The following CSRNP3 variants were observed in gnomAD, a reference collection of about 807,000 sequenced individuals.
CSRNP3 encodes cysteine and serine rich nuclear protein 3.
In CSRNP3, 12 loss-of-function variants were observed where a neutral mutation model predicts 48.0. The ratio of observed to expected loss-of-function variants is 0.25; its 90% confidence interval spans 0.16 to 0.41. CSRNP3 has a LOEUF of 0.41. Ranked by LOEUF, CSRNP3 falls within the 10% of genes least tolerant of loss-of-function variation. The pLI is 1.00. For missense variants in CSRNP3, 580 were observed against 724.4 expected (o/e 0.80, Z 2.29); for synonymous variants, 263 against 269.7 (o/e 0.98, Z 0.24).
At chr2:165,550,738 G>A (rs1449900512) in intron 3 of CSRNP3, among the ~76,000 whole-genome samples, 1 of 152,092 alleles carries the variant, frequency 6.6e-6, no homozygotes, top group Non-Finnish European at 1.5e-5. Context: ...CCTGAATCTT[G>A]TCCATTCCTT....
intron 3 of CSRNP3, among the ~76,000 whole-genome samples, chr2:165,529,267 G>A (rs985402268): frequency 1.3e-5 from 2 of 152,160 alleles, no homozygotes; most frequent in Admixed American, 1.3e-4. Context: ...ATGTGGTTTG[G>A]CTGTGTCTCC....
At chr2:165,587,006 A>G (rs911423292) in intron 3 of CSRNP3, among the ~76,000 whole-genome samples, 3 of 152,202 alleles carry the variant, frequency 2.0e-5, no homozygotes, top group African/African-American at 4.8e-5. Context: ...AAATGAAACA[A>G]TTGTACTTAT....
chr2:165,546,961 A>C (rs1685038591), intron 3 of CSRNP3, among the ~76,000 whole-genome samples: 2 of 152,214 alleles, frequency 1.3e-5, no homozygotes, highest in South Asian at 4.1e-4. Flanking sequence ...TAAGCATTGT[A>C]AAAATATTTT....
Position 165,689,376 on chromosome 2 carries a change from T to A in CSRNP3, c.*9623T>A, listed in dbSNP as rs1321217433. The A allele has an allele frequency of 6.6e-6, 1 of 152,204 alleles. No homozygotes were observed. The highest frequency in any genetic ancestry group is 1.9e-4 in the East Asian group (1 of 5,192). 9.4% of individuals were successfully genotyped at this position (152,204 alleles called of 1,614,324 possible). A position where few individuals can be genotyped will look rare whatever the true frequency, so the allele number is the denominator to read the frequency against. On this transcript the variant is annotated 3_prime_UTR_variant, in exon 7 of 7. Transcript: ENST00000651982. ...TTGTACAATATCTTGTCCATTTGTT[T>A]GCAGCAGAGTAAAACCGGTTTCTAA...
intron 3 of CSRNP3, among the ~76,000 whole-genome samples, chr2:165,568,226 A>G (rs1328952364): frequency 6.6e-6 from 1 of 151,942 alleles, no homozygotes; most frequent in Admixed American, 6.6e-5. Flanking sequence ...CTCAACTGCC[A>G]AAATTGTCTT....
intron 3 of CSRNP3, among the ~76,000 whole-genome samples, chr2:165,557,192 A>C (rs533460073): frequency 1.1e-4 from 16 of 152,352 alleles, no homozygotes; most frequent in East Asian, 5.8e-4. Flanking sequence ...TGACACATTA[A>C]AATTTTATTA....
chr2:165,494,234 G>T (rs1029010668), intron 1 of CSRNP3, among the ~76,000 whole-genome samples: 3 of 152,040 alleles, frequency 2.0e-5, no homozygotes, highest in African/African-American at 7.2e-5. Flanking sequence ...TCTAAATTCT[G>T]CAGGTATCGC....
chr2:165,566,720 A>G (rs1056320408), intron 3 of CSRNP3: 24 of 151,910 alleles, frequency 1.6e-4, no homozygotes, highest in African/African-American at 5.3e-4. Flanking sequence ...ATATTCTTCA[A>G]TTATAGAACC....
chr2:165,573,337 A>G (rs1473268335), intron 3 of CSRNP3, among the ~76,000 whole-genome samples: 2 of 152,160 alleles, frequency 1.3e-5, no homozygotes, highest in Admixed American at 6.5e-5. Flanking sequence ...TACCATTTAG[A>G]AAGATTATGT....
At chr2:165,474,794 C>T (rs1469119689) in intron 1 of CSRNP3, among the ~76,000 whole-genome samples, 1 of 152,172 alleles carries the variant, frequency 6.6e-6, no homozygotes, top group Admixed American at 6.6e-5. Flanking sequence ...CATAACAACA[C>T]AGGGATTTTA....
chr2:165,662,681 C>T (rs752403393), intron 5 of CSRNP3, among the ~76,000 whole-genome samples: 10 of 152,156 alleles, frequency 6.6e-5, no homozygotes, highest in Non-Finnish European at 1.2e-4. Context: ...ATTGGTGTTC[C>T]AATTGCCTCT....
Position 165,679,385 on chromosome 2 carries a change from A to C in CSRNP3, c.1390A>C (p.Thr464Pro), listed in dbSNP as rs1018504541. 2 of 1,613,544 alleles carry C rather than the reference A, an allele frequency of 1.2e-6. No individual in the cohort carries two copies. The highest frequency in any genetic ancestry group is 1.7e-6 in the Non-Finnish European group (2 of 1,179,888). ...YSERDTVKNG[T>P]LSLVPYTMTP... The stretch of plus-strand genomic sequence containing the variant: ...TGAAAGAGACACTGTCAAAAATGGT[A>C]CCCTTTCGCTGGTGCCTTACACCAT... Residue 464 changes from threonine (T) to proline (P), a missense_variant, in exon 7 of 7, where the codon ACC becomes CCC. By Grantham distance (38) the Thr-to-Pro change is conservative (BLOSUM62 -1). Around this residue, in one of 4 missense-constraint regions of CSRNP3, gnomAD observed 369 missense variants for 380.8 expected, o/e 0.97. Transcript: ENST00000651982.
rs535291493 is a variant in CSRNP3, at chr2:165,585,571, C to T, written c.-23-9472C>T. 7.2e-5 allele frequency among the ~76,000 whole-genome samples: 11 copies of T among 152,298 alleles called. No homozygotes were observed. In the South Asian group the frequency reaches 2.1e-3, roughly 29 times the overall value. On this transcript the variant is annotated intron_variant, in intron 3 of 6. Transcript: ENST00000651982. The stretch of plus-strand genomic sequence containing the variant: ...ACACTGGTGTTTCTTGGGCCCTCAG[C>T]CCATTGCTGATTGAAGCAAGCACCC...
At chr2:165,631,805 T>A (rs1235433917) in intron 4 of CSRNP3, among the ~76,000 whole-genome samples, 1 of 152,226 alleles carries the variant, frequency 6.6e-6, no homozygotes, top group Non-Finnish European at 1.5e-5. Flanking sequence ...AAACAACTAC[T>A]CTCACTCATC....
At chr2:165,603,756 T>A (rs1457383437) in intron 4 of CSRNP3, among the ~76,000 whole-genome samples, 1 of 152,206 alleles carries the variant, frequency 6.6e-6, no homozygotes, top group Non-Finnish European at 1.5e-5. Context: ...ATGACAAAAC[T>A]GTGTTTTCAA....
intron 1 of CSRNP3, among the ~76,000 whole-genome samples, chr2:165,480,060 A>T (rs1338691255): frequency 6.6e-6 from 1 of 151,932 alleles, no homozygotes; most frequent in Non-Finnish European, 1.5e-5. Flanking sequence ...GATAGAACTG[A>T]TGTTTCTGTT....
At chr2:165,482,186 T>C (rs533651239) in intron 1 of CSRNP3, among the ~76,000 whole-genome samples, 1 of 152,148 alleles carries the variant, frequency 6.6e-6, no homozygotes, top group Admixed American at 6.5e-5. Flanking sequence ...AGAGATCCTA[T>C]TCAGGATTCA....
intron 4 of CSRNP3, among the ~76,000 whole-genome samples, chr2:165,625,585 G>A (rs1356366392): frequency 6.6e-6 from 1 of 151,608 alleles, no homozygotes; most frequent in Non-Finnish European, 1.5e-5. Flanking sequence ...AGTGAGCTGA[G>A]ATCATGCCAC....
chr2:165,514,691 G>T (rs755150539), intron 2 of CSRNP3, among the ~76,000 whole-genome samples: 2 of 152,180 alleles, frequency 1.3e-5, no homozygotes, highest in South Asian at 4.1e-4. Context: ...CATTGAATAT[G>T]TCATTCTTCC....
Sources: gnomAD v4.1 joint callset for allele counts (sites outside exome capture counted in the v4.1 genomes callset) on GRCh38, gnomAD v4.1.1 for gene constraint, gnomAD v4.1.1 regional missense constraint, MANE v1.5 for transcripts, NCBI Gene and HGNC (gene_info 2026-07-23, HGNC 2026-07-21) for gene names.